The following MTFR1 variants were observed in gnomAD, a reference collection of about 807,000 sequenced individuals.
The protein encoded by MTFR1 is chondrocyte protein with a poly-proline region.
A neutral mutation model predicts 38.8 loss-of-function variants in MTFR1; 28 were observed. That is an observed-to-expected ratio of 0.72 (90% CI 0.53 to 0.99). The LOEUF (loss-of-function observed/expected upper bound fraction) is 0.99. Ranked by LOEUF, MTFR1 falls within the 50% of genes least tolerant of loss-of-function variation. The pLI is 0.00. For missense variants in MTFR1, 358 were observed against 395.5 expected, an observed-to-expected ratio of 0.91 and a Z score of 0.81; for synonymous variants, 145 against 137.0, an observed-to-expected ratio of 1.06 and a Z score of -0.41.
intron 3 of MTFR1, among the ~76,000 whole-genome samples, chr8:65,750,506 GTGTGTGTC>G (rs1160317477): frequency 6.6e-5 from 10 of 151,410 alleles, no homozygotes; most frequent in South Asian, 2.1e-4. Flanking sequence ...GTGTGTGTCT[GTGTGTGTC>G]TGTGTGTGTG....
rs1333699679 is a variant in MTFR1, at chr8:65,670,008, G to C, written c.56G>C (p.Ser19Thr). The C allele has an allele frequency of 6.2e-7, 1 of 1,604,338 alleles. No individual in the cohort carries two copies. The highest frequency in any genetic ancestry group is 1.3e-5 in the African/African-American group (1 of 74,420). Residue 19 changes from serine to threonine, a missense_variant, in exon 2 of 8, where the codon AGC (serine) becomes ACC (threonine). By Grantham distance (58) the Ser-to-Thr change is moderately conservative. Transcript: ENST00000262146. ...IRMVFQQVGV[S>T]MQSVLWSRKP... ...ATGGTTTTTCAACAAGTTGGAGTAA[G>C]CATGCAATCGGTGAGTGCTCAAAAT...
intron 3 of MTFR1, among the ~76,000 whole-genome samples, chr8:65,764,804 C>T (rs10808747): frequency 0.42 from 63,108 of 151,998 alleles, 14,762 homozygotes; most frequent in African/African-American, 0.62. Flanking sequence ...AAATCAAATA[C>T]ACATGAGGAA....
At chr8:65,666,448 T>C (rs1804385562) in intron 1 of MTFR1, among the ~76,000 whole-genome samples, 1 of 152,100 alleles carries the variant, frequency 6.6e-6, no homozygotes, top group Non-Finnish European at 1.5e-5. Context: ...TCGAATAGGT[T>C]TTTCAAACTA....
chr8:65,776,294 T>C, the MTFR1 span, among the ~76,000 whole-genome samples: 4 of 152,224 alleles, frequency 2.6e-5, no homozygotes, highest in African/African-American at 7.2e-5. Context: ...TTCTGGATTC[T>C]ATAGTATGCC....
At chr8:65,771,884 CAAAAAAAA>C (rs36101490), downstream of MTFR1, among the ~76,000 whole-genome samples, 3 of 55,836 alleles carry the variant, frequency 5.4e-5, no homozygotes, top group Non-Finnish European at 1.1e-4. Flanking sequence ...CTCCATCTCT[CAAAAAAAA>C]AAAAAAAAAA....
intron 1 of MTFR1, among the ~76,000 whole-genome samples, chr8:65,648,310 C>T (rs540831962): frequency 6.6e-6 from 1 of 152,268 alleles, no homozygotes; most frequent in Non-Finnish European, 1.5e-5. Flanking sequence ...AGTCACCATG[C>T]CTGGCCCATT....
At chr8:65,765,519 A>T (rs1563496546) in intron 3 of MTFR1, 1 of 147,008 alleles carries the variant, frequency 6.8e-6, no homozygotes, top group Admixed American at 6.8e-5. Flanking sequence ...AAAAAAAAAA[A>T]AGATAATGGG....
intron 3 of MTFR1, among the ~76,000 whole-genome samples, chr8:65,732,697 G>A (rs770328620): frequency 2.0e-5 from 3 of 152,150 alleles, no homozygotes; most frequent in Non-Finnish European, 4.4e-5. Context: ...ATTTTTTGTA[G>A]AGATGGGATC....
intron 2 of MTFR1, among the ~76,000 whole-genome samples, chr8:65,678,580 T>C (rs1238377268): frequency 1.3e-5 from 2 of 152,164 alleles, no homozygotes; most frequent in Admixed American, 1.3e-4. Flanking sequence ...AGAAGATACC[T>C]AAATAATCTA....
the MTFR1 span, among the ~76,000 whole-genome samples, chr8:65,777,077 CTTTTT>C: frequency 1.1e-5 from 1 of 90,462 alleles, no homozygotes. Context: ...TTATCAAATG[CTTTTT>C]TTTTTTTTTT....
At chr8:65,763,006 TG>T (rs1808587574) in intron 3 of MTFR1, among the ~76,000 whole-genome samples, 1 of 131,988 alleles carries the variant, frequency 7.6e-6, no homozygotes, top group Non-Finnish European at 1.8e-5. Flanking sequence ...TGTGTGTGTG[TG>T]TGTGTGTGTG....
intron 2 of MTFR1, among the ~76,000 whole-genome samples, chr8:65,676,210 G>T (rs891233982): frequency 5.9e-5 from 9 of 152,096 alleles, no homozygotes; most frequent in Non-Finnish European, 1.3e-4. Flanking sequence ...TTTACATTTT[G>T]TTGGGTCCTA....
At chr8:65,715,737 G>A (rs1233975434) in intron 2 of MTFR1, among the ~76,000 whole-genome samples, 3 of 147,500 alleles carry the variant, frequency 2.0e-5, no homozygotes, top group Non-Finnish European at 4.5e-5. Flanking sequence ...TGTAATCCCA[G>A]CACTATGGGA....
At chr8:65,667,204 A>G (rs562794198) in intron 1 of MTFR1, among the ~76,000 whole-genome samples, 1 of 151,838 alleles carries the variant, frequency 6.6e-6, no homozygotes, top group East Asian at 2.0e-4. Flanking sequence ...TGAACCCGTG[A>G]GGCAAAGGTT....
At chr8:65,665,736 C>A (rs1336574404) in intron 1 of MTFR1, among the ~76,000 whole-genome samples, 1 of 152,232 alleles carries the variant, frequency 6.6e-6, no homozygotes, top group African/African-American at 2.4e-5. Flanking sequence ...GGACCCTCCT[C>A]CCTCAGCTTC....
At chr8:65,769,860 C>T (rs1190761805) in intron 3 of MTFR1, among the ~76,000 whole-genome samples, 1 of 152,108 alleles carries the variant, frequency 6.6e-6, no homozygotes, top group Non-Finnish European at 1.5e-5. Flanking sequence ...TGTGCCATTG[C>T]ACTCCAGCCT....
chr8:65,661,784 C>A (rs1809420727), intron 1 of MTFR1, among the ~76,000 whole-genome samples: 1 of 151,950 alleles, frequency 6.6e-6, no homozygotes, highest in Non-Finnish European at 1.5e-5. Flanking sequence ...GCCAACATGG[C>A]AAAACCCCAT....
intron 3 of MTFR1, among the ~76,000 whole-genome samples, chr8:65,769,051 C>T (rs1808940254): frequency 6.6e-6 from 1 of 151,914 alleles, no homozygotes; most frequent in Admixed American, 6.6e-5. Context: ...AGTTCAAGAC[C>T]AGCCTGGCCA....
chr8:65,743,879 C>G (rs1457953888), intron 3 of MTFR1, among the ~76,000 whole-genome samples: 2 of 151,568 alleles, frequency 1.3e-5, no homozygotes. Context: ...ATTGCCCAGG[C>G]TGGAGTGCAA....
Sources: allele counts gnomAD v4.1 joint callset (sites outside exome capture counted in the v4.1 genomes callset), GRCh38; gene constraint gnomAD v4.1.1; transcripts MANE v1.5; gene names NCBI Gene and HGNC (gene_info 2026-07-23, HGNC 2026-07-21).